GALNT13: variants seen among roughly 807,000 people sequenced by gnomAD.
The protein encoded by GALNT13 is UDP-GalNAc:polypeptide N-acetylgalactosaminyltransferase 13.
A neutral mutation model predicts 64.2 loss-of-function variants in GALNT13; 28 were observed. That is an observed-to-expected ratio of 0.44 (90% CI 0.32 to 0.60). The LOEUF (loss-of-function observed/expected upper bound fraction) is 0.60. GALNT13 is among the 20% of genes least tolerant of loss of function. The probability of loss-of-function intolerance (pLI) is 0.05; values close to 1 mark genes in which losing one functional copy is unlikely to be tolerated. For missense variants in GALNT13, 577 were observed against 669.8 expected (o/e 0.86, Z 1.53); for synonymous variants, 214 against 224.6 (o/e 0.95, Z 0.42).
chr2:153,543,537 G>A, the GALNT13 span, among the ~76,000 whole-genome samples: 4 of 152,194 alleles, frequency 2.6e-5, no homozygotes, highest in Non-Finnish European at 5.9e-5. Flanking sequence ...TCTTAATGGA[G>A]TGTGTGTTTA....
chr2:154,336,605 G>A (rs1246126479), intron 9 of GALNT13, among the ~76,000 whole-genome samples: 1 of 151,904 alleles, frequency 6.6e-6, no homozygotes, highest in African/African-American at 2.4e-5. Context: ...CAGAAATCCT[G>A]GAAAATGTCC....
chr2:153,418,906 G>A, the GALNT13 span, among the ~76,000 whole-genome samples: 1 of 152,082 alleles, frequency 6.6e-6, no homozygotes, highest in Non-Finnish European at 1.5e-5. Context: ...TGGAAGGAAG[G>A]AACTGGAGAA....
intron 3 of GALNT13, among the ~76,000 whole-genome samples, chr2:153,948,979 G>A (rs533946831): frequency 6.9e-6 from 1 of 144,688 alleles, no homozygotes; most frequent in Non-Finnish European, 1.6e-5. Flanking sequence ...CTGCACATGT[G>A]CCCCTGAACT....
intron 8 of GALNT13, among the ~76,000 whole-genome samples, chr2:154,261,274 TACTTATCAGTGACTATTTTAAAAC>T (rs1424694883): frequency 6.6e-6 from 1 of 152,156 alleles, no homozygotes; most frequent in Admixed American, 6.5e-5. Flanking sequence ...GGAAATAAAA[TACTTATCAGTGACTATTTTAAAAC>T]AATATCAAGT....
the GALNT13 span, among the ~76,000 whole-genome samples, chr2:153,550,092 C>G: frequency 2.0e-5 from 3 of 152,160 alleles, no homozygotes; most frequent in Admixed American, 1.3e-4. Context: ...TTTCTGCTCC[C>G]TGTTTCCTAG....
At chr2:154,100,192 C>T (rs1260114411) in intron 3 of GALNT13, among the ~76,000 whole-genome samples, 2 of 151,956 alleles carry the variant, frequency 1.3e-5, no homozygotes, top group Non-Finnish European at 2.9e-5. Flanking sequence ...GCCATTTGGG[C>T]ACATTTTTGG....
At chr2:153,730,023 T>A in the GALNT13 span, among the ~76,000 whole-genome samples, 6 of 151,840 alleles carry the variant, frequency 4.0e-5, no homozygotes, top group African/African-American at 1.5e-4. Context: ...CCCAAAGCAA[T>A]CTACAGATTC....
chr2:153,451,241 A>G, the GALNT13 span, among the ~76,000 whole-genome samples: 1 of 152,214 alleles, frequency 6.6e-6, no homozygotes. Context: ...TATACATTTT[A>G]ATCTAGTAAA....
chr2:153,807,026 G>A, the GALNT13 span, among the ~76,000 whole-genome samples: 40 of 152,106 alleles, frequency 2.6e-4, no homozygotes, highest in African/African-American at 7.9e-4. Context: ...ATAGGGTTTC[G>A]GAGGTAGCTG....
chr2:153,601,879 A>T, the GALNT13 span, among the ~76,000 whole-genome samples: 1 of 151,908 alleles, frequency 6.6e-6, no homozygotes, highest in African/African-American at 2.4e-5. Flanking sequence ...GGCAAGAAAG[A>T]GTGCTAAAAT....
chr2:153,688,670 A>G, the GALNT13 span, among the ~76,000 whole-genome samples: 7 of 152,050 alleles, frequency 4.6e-5, no homozygotes, highest in Non-Finnish European at 1.0e-4. Context: ...GTTTGCTGAT[A>G]TTGAACTTCA....
At chr2:153,966,397 G>A (rs1195396546) in intron 3 of GALNT13, among the ~76,000 whole-genome samples, 1 of 148,080 alleles carries the variant, frequency 6.8e-6, no homozygotes, top group Non-Finnish European at 1.5e-5. Flanking sequence ...ATGGAGTCTT[G>A]CACTGTCGCC....
At chr2:153,463,634 A>C in the GALNT13 span, among the ~76,000 whole-genome samples, 1 of 152,038 alleles carries the variant, frequency 6.6e-6, no homozygotes, top group East Asian at 1.9e-4. Flanking sequence ...ATCTTCTAGC[A>C]GATTAGAGGA....
chr2:154,179,177 C>T (rs1320847624), intron 4 of GALNT13, among the ~76,000 whole-genome samples: 1 of 152,118 alleles, frequency 6.6e-6, no homozygotes, highest in Non-Finnish European at 1.5e-5. Context: ...AAGTAGTAAC[C>T]ATTACCAGAA....
chr2:153,684,772 T>C, the GALNT13 span, among the ~76,000 whole-genome samples: 1 of 151,730 alleles, frequency 6.6e-6, no homozygotes, highest in Non-Finnish European at 1.5e-5. Flanking sequence ...CTAGTATCCA[T>C]TAGTTATTTT....
At chr2:153,798,640 A>C in the GALNT13 span, among the ~76,000 whole-genome samples, 2 of 152,174 alleles carry the variant, frequency 1.3e-5, no homozygotes, top group Non-Finnish European at 2.9e-5. Flanking sequence ...AATAATTCAA[A>C]GAAAAACTCC....
chr2:154,315,275 T>G (rs1694259195), intron 9 of GALNT13, among the ~76,000 whole-genome samples: 1 of 152,150 alleles, frequency 6.6e-6, no homozygotes, highest in Non-Finnish European at 1.5e-5. Flanking sequence ...AAATAAAAAT[T>G]CTATACTTAT....
In GALNT13 at chr2:154,416,986, C is replaced by T. The variant is rs183925150; in HGVS notation, c.1395+7904C>T. On this transcript the variant is annotated intron_variant, in intron 11 of 12. Coordinates refer to ENST00000392825, the MANE Select transcript of GALNT13 (RefSeq NM_052917.4). ...CTTTTGTCCTCTAATCTCTTTCTTT[C>T]ATCTTTTACATTTTTCTCTCTCATC... is the stretch of plus-strand genomic sequence containing the variant. 4.7e-3 allele frequency among the ~76,000 whole-genome samples: 713 copies of T among 152,258 alleles called. 6 individuals carry two copies. The highest frequency in any genetic ancestry group is 0.01 in the Middle Eastern group (3 of 292).
At chr2:154,404,495 A>G (rs1699438046) in intron 10 of GALNT13, among the ~76,000 whole-genome samples, 1 of 152,222 alleles carries the variant, frequency 6.6e-6, no homozygotes, top group South Asian at 2.1e-4. Flanking sequence ...GTAGGAGACA[A>G]CAGAGGAAAG....
Sources: allele counts gnomAD v4.1 joint callset (sites outside exome capture counted in the v4.1 genomes callset), GRCh38; gene constraint gnomAD v4.1.1; transcripts MANE v1.5; gene names NCBI Gene and HGNC (gene_info 2026-07-23, HGNC 2026-07-21).